The following IL1RAPL2 variants were observed in gnomAD, a reference collection of about 807,000 sequenced individuals.
IL1RAPL2 encodes X-linked interleukin-1 receptor accessory protein-like 2.
Under a neutral mutation model 44.1 loss-of-function variants are expected in IL1RAPL2, and 3 were observed. That is an observed-to-expected ratio of 0.07 (90% CI 0.03 to 0.18). IL1RAPL2 has a LOEUF of 0.18. IL1RAPL2 is among the 10% of genes least tolerant of loss of function. IL1RAPL2 has a pLI of 1.00. For missense variants in IL1RAPL2, 391 were observed against 496.4 expected (o/e 0.79, Z 2.02); for synonymous variants, 181 against 178.8 (o/e 1.01, Z -0.10).
At chrX:105,013,102 A>G (rs147351118) in intron 2 of IL1RAPL2, among the ~76,000 whole-genome samples, 63 of 111,164 alleles carry the variant, frequency 5.7e-4, no homozygotes, top group African/African-American at 1.9e-3. Context: ...TTTACTTCCA[A>G]CTGTTTATTA....
intron 5 of IL1RAPL2, among the ~76,000 whole-genome samples, chrX:105,319,111 C>T (rs763886161): frequency 8.9e-6 from 1 of 112,340 alleles, no homozygotes; most frequent in Admixed American, 9.4e-5. Context: ...GCTGCACTAT[C>T]TTTCCCACAG....
intron 7 of IL1RAPL2, among the ~76,000 whole-genome samples, chrX:105,721,073 T>G (rs1308245931): frequency 9.0e-6 from 1 of 111,304 alleles, no homozygotes; most frequent in Admixed American, 9.6e-5. Flanking sequence ...AACAGGTGAA[T>G]AGATGAGCAA....
chrX:104,972,008 A>C (rs2030246894), intron 2 of IL1RAPL2, among the ~76,000 whole-genome samples: 1 of 111,766 alleles, frequency 8.9e-6, no homozygotes, highest in Non-Finnish European at 1.9e-5. Context: ...AAATGAGCCC[A>C]GTTGAGGCAC....
At chrX:105,202,062 G>A (rs1172370906) in intron 3 of IL1RAPL2, among the ~76,000 whole-genome samples, 3 of 111,763 alleles carry the variant, frequency 2.7e-5, no homozygotes, top group African/African-American at 9.7e-5. Flanking sequence ...TAGCAAAGAA[G>A]TAACCATTTT....
At chrX:105,188,136 A>G (rs1363289822) in intron 2 of IL1RAPL2, among the ~76,000 whole-genome samples, 1 of 111,419 alleles carries the variant, frequency 9.0e-6, no homozygotes, top group African/African-American at 3.3e-5. Context: ...GCAAGGCTTA[A>G]TGTTTTATGG....
rs185758354 is a variant in IL1RAPL2, at chrX:105,156,250, A to G, written c.83-39225A>G. On this transcript the variant is annotated intron_variant, in intron 2 of 10. Transcript: ENST00000372582. ...CTTGATTGTTTCCTTTCATCCTCTTAGGGGGCTTGGATTGATCATCTCACA... is the reference window on the plus strand; with the variant it reads ...CTTGATTGTTTCCTTTCATCCTCTTGGGGGGCTTGGATTGATCATCTCACA... 2.7e-5 allele frequency among the ~76,000 whole-genome samples: 3 copies of G among 111,563 alleles called. No individual in the cohort carries two copies. The East Asian group carries it at 8.5e-4, about 32-fold the overall frequency.
chrX:105,447,355 A>G (rs2035972512), intron 5 of IL1RAPL2, among the ~76,000 whole-genome samples: 1 of 67,154 alleles, frequency 1.5e-5, no homozygotes, highest in East Asian at 4.8e-4. Context: ...ATAAATATAT[A>G]AATATATAAA....
rs1388930244 is a variant in IL1RAPL2, at chrX:105,551,024, A to C, written c.772+66637A>C. On this transcript the variant is annotated intron_variant, in intron 6 of 10. Transcript: ENST00000372582. ...AGTATACTTTTCACATTCCGAAACCAGAGTGAAGCCAGATGAAATTAAGTG... is the reference window on the plus strand; with the variant it reads ...AGTATACTTTTCACATTCCGAAACCCGAGTGAAGCCAGATGAAATTAAGTG... Among the ~76,000 whole-genome samples, 9 of 111,397 alleles carry C rather than the reference A, an allele frequency of 8.1e-5. No homozygotes were observed. The Admixed American group carries it at 8.6e-4, about 11-fold the overall frequency.
chrX:104,630,299 C>A (rs932938402), intron 1 of IL1RAPL2, among the ~76,000 whole-genome samples: 1 of 110,866 alleles, frequency 9.0e-6, no homozygotes, highest in Non-Finnish European at 1.9e-5. Flanking sequence ...AGGCGCCCAC[C>A]ACTATGCCCA....
At chrX:105,375,050 G>T (rs2035376686) in intron 5 of IL1RAPL2, among the ~76,000 whole-genome samples, 1 of 109,589 alleles carries the variant, frequency 9.1e-6, no homozygotes, top group African/African-American at 3.3e-5. Flanking sequence ...AGGTTTTCTA[G>T]ATATAAAATC....
At chrX:104,612,854 C>T (rs750780605) in intron 1 of IL1RAPL2, among the ~76,000 whole-genome samples, 60 of 110,634 alleles carry the variant, frequency 5.4e-4, no homozygotes, top group African/African-American at 1.9e-3. Context: ...TTTATTTCAT[C>T]GGTGTTTTAT....
chrX:105,101,853 G>A (rs1251751360), intron 2 of IL1RAPL2, among the ~76,000 whole-genome samples: 1 of 111,467 alleles, frequency 9.0e-6, no homozygotes, highest in Non-Finnish European at 1.9e-5. Flanking sequence ...TGCAAAGAAC[G>A]TATGCTCTAG....
At chrX:105,247,041 A>G (rs2082674549) in intron 4 of IL1RAPL2, among the ~76,000 whole-genome samples, 1 of 110,918 alleles carries the variant, frequency 9.0e-6, no homozygotes, top group Non-Finnish European at 1.9e-5. Flanking sequence ...ACCTTTTCAT[A>G]AAATGTAATA....
chrX:105,195,579 A>G lies in IL1RAPL2; in HGVS notation c.187A>G (p.Asn63Asp), dbSNP rs149712731. 5 of 1,210,605 alleles carry G rather than the reference A, an allele frequency of 4.1e-6. No homozygotes were observed. The highest frequency in any genetic ancestry group is 5.6e-6 in the Non-Finnish European group (5 of 895,247). ...CCTTTTCTACAGTTATATTCGTACC[A>G]ACTATAGCACGGCCCAGAGCACTGG... ...CALFYSYIRT[N>D]YSTAQSTGLR... Residue 63 changes from asparagine (N) to aspartate (D), a missense_variant, in exon 3 of 11, where the codon AAC becomes GAC. Asn to Asp is a conservative substitution (Grantham distance 23, BLOSUM62 1). This residue lies in a region of IL1RAPL2 where 159 missense variants were observed against 251.7 expected (regional missense o/e 0.63). Coordinates refer to ENST00000372582, the MANE Select transcript of IL1RAPL2 (RefSeq NM_017416.2).
intron 2 of IL1RAPL2, among the ~76,000 whole-genome samples, chrX:104,813,525 T>G (rs994832506): frequency 8.9e-6 from 1 of 111,739 alleles, no homozygotes; most frequent in African/African-American, 3.3e-5. Flanking sequence ...GTCACTCATT[T>G]GATCATTCAT....
intron 2 of IL1RAPL2, among the ~76,000 whole-genome samples, chrX:104,903,077 C>T (rs754895736): frequency 9.0e-6 from 1 of 111,304 alleles, no homozygotes; most frequent in Non-Finnish European, 1.9e-5. Context: ...TTTTTGGCTG[C>T]AGAGGGGGCA....
At chrX:105,074,376 G>C (rs1287855101) in intron 2 of IL1RAPL2, among the ~76,000 whole-genome samples, 1 of 111,027 alleles carries the variant, frequency 9.0e-6, no homozygotes, top group Non-Finnish European at 1.9e-5. Context: ...ATTTCTGAGG[G>C]CTCTGTTCTG....
chrX:104,893,595 G>T (rs1923537439), intron 2 of IL1RAPL2, among the ~76,000 whole-genome samples: 2 of 111,291 alleles, frequency 1.8e-5, no homozygotes, highest in Admixed American at 1.9e-4. Context: ...TTTTATCAGA[G>T]ACTAGGATTG....
intron 3 of IL1RAPL2, among the ~76,000 whole-genome samples, chrX:105,231,289 G>A (rs1208020886): frequency 1.8e-5 from 2 of 111,780 alleles, no homozygotes; most frequent in Admixed American, 1.9e-4. Context: ...TTAATTCTTT[G>A]CCAATATGCT....
Sources: gnomAD v4.1 joint callset for allele counts (sites outside exome capture counted in the v4.1 genomes callset) on GRCh38, gnomAD v4.1.1 for gene constraint, gnomAD v4.1.1 regional missense constraint, MANE v1.5 for transcripts, NCBI Gene and HGNC (gene_info 2026-07-23, HGNC 2026-07-21) for gene names.